Variants in MYO16 observed in about 807,000 individuals in gnomAD.
MYO16 encodes the protein myosin XVI, also known as unconventional myosin-XVI.
A neutral mutation model predicts 205.3 loss-of-function variants in MYO16; 94 were observed. That is an observed-to-expected ratio of 0.46 (90% CI 0.39 to 0.54). The LOEUF (loss-of-function observed/expected upper bound fraction) is 0.54, where lower values mean the gene tolerates loss of function less well. MYO16 is among the 20% of genes least tolerant of loss of function. The pLI is 0.00. For synonymous variants in MYO16, 988 were observed against 954.0 expected (o/e 1.04, Z -0.66); for missense variants, 2,315 against 2,387.5 (o/e 0.97, Z 0.63).
At chr13:108,644,416 C>CT (rs1263591887) in intron 1 of MYO16, among the ~76,000 whole-genome samples, 69 of 141,938 alleles carry the variant, frequency 4.9e-4, no homozygotes, top group South Asian at 4.0e-3. Flanking sequence ...ATCTATCTAT[C>CT]ATCTGTTTAA....
intron 4 of MYO16, among the ~76,000 whole-genome samples, chr13:108,767,404 A>T (rs2139668808): frequency 6.6e-6 from 1 of 152,202 alleles, no homozygotes; most frequent in East Asian, 1.9e-4. Context: ...GCCTGGCTGT[A>T]TCTGGGTATT....
intron 23 of MYO16, among the ~76,000 whole-genome samples, chr13:109,036,278 A>G (rs1886715391): frequency 6.6e-6 from 1 of 152,188 alleles, no homozygotes; most frequent in Non-Finnish European, 1.5e-5. Flanking sequence ...CTTGGTGATT[A>G]GCCAAGCATG....
chr13:108,983,767 G>C (rs888554137), intron 20 of MYO16, among the ~76,000 whole-genome samples: 3 of 152,146 alleles, frequency 2.0e-5, no homozygotes, highest in Non-Finnish European at 4.4e-5. Flanking sequence ...AGACTGAAGG[G>C]CATGGTGAGG....
chr13:108,775,497 T>C (rs955597073), intron 4 of MYO16, among the ~76,000 whole-genome samples: 3 of 144,388 alleles, frequency 2.1e-5, no homozygotes, highest in African/African-American at 7.5e-5. Context: ...TATGCCTGAG[T>C]GGTTCAAAAT....
At chr13:108,599,751 TC>T (rs971430774) in intron 1 of MYO16, among the ~76,000 whole-genome samples, 1 of 152,184 alleles carries the variant, frequency 6.6e-6, no homozygotes, top group Non-Finnish European at 1.5e-5. Flanking sequence ...AAATTACTCC[TC>T]CACCAATTAC....
chr13:108,809,834 C>T (rs1203829957), intron 7 of MYO16, among the ~76,000 whole-genome samples: 1 of 152,184 alleles, frequency 6.6e-6, no homozygotes, highest in African/African-American at 2.4e-5. Context: ...GGGTACCAGC[C>T]CCACCACTCA....
chr13:109,122,411 G>A (rs550465761), intron 29 of MYO16, among the ~76,000 whole-genome samples: 1 of 152,254 alleles, frequency 6.6e-6, no homozygotes, highest in South Asian at 2.1e-4. Flanking sequence ...GGGCGCAGTG[G>A]CTCACGCCTG....
At chr13:108,833,776 T>G (rs1566358468) in intron 9 of MYO16, among the ~76,000 whole-genome samples, 1 of 152,162 alleles carries the variant, frequency 6.6e-6, no homozygotes, top group South Asian at 2.1e-4. Context: ...TCCAGTAGAG[T>G]TCAGAAATTG....
At chr13:108,866,960 A>G (rs923472926) in intron 12 of MYO16, among the ~76,000 whole-genome samples, 1 of 152,096 alleles carries the variant, frequency 6.6e-6, no homozygotes, top group Admixed American at 6.5e-5. Context: ...AATTCCTCCA[A>G]CTTCCTAGGA....
At chr13:108,973,661 AAG>A (rs1421956183) in intron 20 of MYO16, among the ~76,000 whole-genome samples, 1 of 152,140 alleles carries the variant, frequency 6.6e-6, no homozygotes, top group Non-Finnish European at 1.5e-5. Flanking sequence ...CCACTCAGAA[AAG>A]AGAAAAAAGA....
chr13:108,874,699 T>TCATC (rs1566383173), intron 12 of MYO16, among the ~76,000 whole-genome samples: 2 of 37,004 alleles, frequency 5.4e-5, no homozygotes, highest in African/African-American at 1.4e-4. Context: ...TCATCATCAT[T>TCATC]ATTATTATTA....
At chr13:108,738,539 G>A (rs1884786805) in intron 4 of MYO16, among the ~76,000 whole-genome samples, 1 of 152,160 alleles carries the variant, frequency 6.6e-6, no homozygotes, top group South Asian at 2.1e-4. Flanking sequence ...CATTTGCTGA[G>A]GAGTGCTTTA....
intron 9 of MYO16, among the ~76,000 whole-genome samples, chr13:108,827,501 TC>T (rs1394948284): frequency 6.6e-6 from 1 of 152,190 alleles, no homozygotes; most frequent in African/African-American, 2.4e-5. Context: ...TATTTGATTA[TC>T]CCATATTTCA....
At chr13:109,012,447 C>T (rs1321975297) in intron 22 of MYO16, among the ~76,000 whole-genome samples, 3 of 152,154 alleles carry the variant, frequency 2.0e-5, no homozygotes, top group African/African-American at 7.2e-5. Flanking sequence ...CTGCACACTC[C>T]TTATGAGAAT....
intron 5 of MYO16, among the ~76,000 whole-genome samples, chr13:108,787,684 T>C (rs1206616041): frequency 6.6e-6 from 1 of 152,218 alleles, no homozygotes; most frequent in Non-Finnish European, 1.5e-5. Context: ...AAGTACTAAC[T>C]CTTAAATGGC....
intron 1 of MYO16, among the ~76,000 whole-genome samples, chr13:108,619,112 A>G (rs1468434134): frequency 6.6e-6 from 1 of 152,158 alleles, no homozygotes; most frequent in Admixed American, 6.5e-5. Flanking sequence ...TTCATGTAAG[A>G]CTTTTATTTT....
the MYO16 span, among the ~76,000 whole-genome samples, chr13:108,580,968 C>T: frequency 6.6e-6 from 1 of 152,094 alleles, no homozygotes; most frequent in Non-Finnish European, 1.5e-5. Flanking sequence ...TTTTATAAGC[C>T]TTCAGCAAGC....
intron 12 of MYO16, among the ~76,000 whole-genome samples, chr13:108,881,840 G>A (rs1486815353): frequency 2.0e-5 from 3 of 152,168 alleles, no homozygotes; most frequent in Non-Finnish European, 2.9e-5. Flanking sequence ...TGAAAGTGAC[G>A]AGGAGAATGG....
At chr13:108,913,261 A>G (rs942333837) in intron 16 of MYO16, among the ~76,000 whole-genome samples, 2 of 152,206 alleles carry the variant, frequency 1.3e-5, no homozygotes, top group East Asian at 3.9e-4. Context: ...AGATTCATGA[A>G]TACATCAGTT....
Sources: gnomAD v4.1 joint callset for allele counts (sites outside exome capture counted in the v4.1 genomes callset) on GRCh38, gnomAD v4.1.1 for gene constraint, MANE v1.5 for transcripts, NCBI Gene and HGNC (gene_info 2026-07-23, HGNC 2026-07-21) for gene names.